AMBRA1: variants seen among roughly 807,000 people sequenced by gnomAD.
AMBRA1 encodes the protein autophagy and beclin 1 regulator 1, also known as activating molecule in BECN1-regulated autophagy protein 1.
A neutral mutation model predicts 125.4 loss-of-function variants in AMBRA1; 47 were observed. That is an observed-to-expected ratio of 0.37 (90% CI 0.30 to 0.48). AMBRA1 has a LOEUF of 0.48. AMBRA1 is among the 20% of genes least tolerant of loss of function. The probability of loss-of-function intolerance (pLI) is 0.99; values close to 1 mark genes in which losing one functional copy is unlikely to be tolerated. For synonymous variants in AMBRA1, 626 were observed against 655.5 expected, an observed-to-expected ratio of 0.95 and a Z score of 0.69; for missense variants, 1,331 against 1,693.4, an observed-to-expected ratio of 0.79 and a Z score of 3.76.
rs1364745772 is a variant in AMBRA1, at chr11:46,550,213, T to TA, written c.-120-1714_-120-1713insT. ...TTGTTTCCTCATAGTAGCATTTAGC[T>TA]TGCCTCTCTATACCTTTATTTCCTG... On this transcript the variant is annotated intron_variant, in intron 1 of 17. Transcript: ENST00000683756. Among the ~76,000 whole-genome samples, 8 of 152,354 alleles carry TA rather than the reference T, an allele frequency of 5.3e-5. No homozygotes were observed. The South Asian group carries it at 8.3e-4, about 16-fold the overall frequency.
intron 14 of AMBRA1, among the ~76,000 whole-genome samples, 190 bp from the exon 15 acceptor site, chr11:46,418,242 T>A (rs907441339): frequency 6.9e-6 from 1 of 144,554 alleles, no homozygotes; most frequent in Non-Finnish European, 1.5e-5. Context: ...TATAAATATA[T>A]ATAATATATA....
At chr11:46,579,480 G>C (rs2044097786) in intron 1 of AMBRA1, among the ~76,000 whole-genome samples, 1 of 152,050 alleles carries the variant, frequency 6.6e-6, no homozygotes, top group Non-Finnish European at 1.5e-5. Context: ...AATTAAGTAA[G>C]TAAGTACATA....
chr11:46,536,052 G>A (rs1952461020), intron 7 of AMBRA1, among the ~76,000 whole-genome samples: 1 of 152,154 alleles, frequency 6.6e-6, no homozygotes, highest in Non-Finnish European at 1.5e-5. Context: ...TGATTATTGA[G>A]CCAATGACTC....
intron 11 of AMBRA1, among the ~76,000 whole-genome samples, chr11:46,467,995 A>G (rs980134802): frequency 1.3e-5 from 2 of 152,202 alleles, no homozygotes; most frequent in African/African-American, 2.4e-5. Context: ...AATGGCCTCA[A>G]TCAGGGCTAG....
At chr11:46,430,157 CATACAGCT>C (rs1947382746) in intron 14 of AMBRA1, among the ~76,000 whole-genome samples, 2 of 152,174 alleles carry the variant, frequency 1.3e-5, no homozygotes, top group African/African-American at 4.8e-5. Flanking sequence ...GACTCCAGCA[CATACAGCT>C]ATTCAAGGGA....
chr11:46,578,577 T>G (rs1363561995), intron 1 of AMBRA1, among the ~76,000 whole-genome samples: 2 of 151,404 alleles, frequency 1.3e-5, no homozygotes, highest in African/African-American at 4.9e-5. Flanking sequence ...AGTATATAAA[T>G]CACAAACTAT....
At chr11:46,556,141 T>C (rs186528054) in intron 1 of AMBRA1, among the ~76,000 whole-genome samples, 2 of 152,368 alleles carry the variant, frequency 1.3e-5, no homozygotes, top group East Asian at 1.9e-4. Context: ...CCAGTACTCT[T>C]TGGAAACTCC....
At chr11:46,423,423 G>A (rs1489786299) in intron 14 of AMBRA1, among the ~76,000 whole-genome samples, 1 of 151,290 alleles carries the variant, frequency 6.6e-6, no homozygotes, top group Non-Finnish European at 1.5e-5. Context: ...ATGGAGTCTC[G>A]CTCTGTCACC....
intron 1 of AMBRA1, among the ~76,000 whole-genome samples, chr11:46,590,768 G>A (rs542578715): frequency 1.3e-5 from 2 of 151,932 alleles, no homozygotes; most frequent in African/African-American, 2.4e-5. Context: ...AAAATTAGCC[G>A]GGCATGGTGG....
intron 1 of AMBRA1, among the ~76,000 whole-genome samples, chr11:46,588,815 T>G (rs1446956616): frequency 6.6e-6 from 1 of 152,034 alleles, no homozygotes; most frequent in Non-Finnish European, 1.5e-5. Context: ...GATGTTTTAC[T>G]TTTCCATTCT....
At chr11:46,467,860 AGAT>A (rs1949394431) in intron 11 of AMBRA1, among the ~76,000 whole-genome samples, 1 of 152,136 alleles carries the variant, frequency 6.6e-6, no homozygotes, top group Non-Finnish European at 1.5e-5. Context: ...GAGAGAGTGG[AGAT>A]AAACACACAT....
rs139398638 is a variant in AMBRA1, at chr11:46,438,629, C to T, written c.2633-3592G>A. ...ATTTCAGAATAAGGCCTGTACAGAG[C>T]TCCAGATGACCCATAAACACTCCCT... On this transcript the variant is annotated intron_variant, in intron 12 of 17. Coordinates refer to ENST00000683756, the MANE Select transcript of AMBRA1 (RefSeq NM_001387011.1). Among the ~76,000 whole-genome samples the T allele has an allele frequency of 3.6e-3, 545 of 152,308 alleles. 1 individual carries two copies. The highest frequency in any genetic ancestry group is 0.013 in the African/African-American group (524 of 41,570).
At chr11:46,488,821 T>A (rs1260757904) in intron 11 of AMBRA1, among the ~76,000 whole-genome samples, 1 of 152,186 alleles carries the variant, frequency 6.6e-6, no homozygotes, top group East Asian at 1.9e-4. Context: ...ATTCAAAATA[T>A]GGGAAAATTC....
chr11:46,470,327 G>A (rs1415836949), intron 11 of AMBRA1, among the ~76,000 whole-genome samples: 4 of 152,064 alleles, frequency 2.6e-5, no homozygotes, highest in East Asian at 1.9e-4. Flanking sequence ...GGTGGCTCAC[G>A]CCTATAATCC....
intron 1 of AMBRA1, among the ~76,000 whole-genome samples, chr11:46,592,102 C>T (rs1273374497): frequency 6.6e-6 from 1 of 151,782 alleles, no homozygotes; most frequent in East Asian, 2.0e-4. Context: ...TGCGCCACCA[C>T]GCCCGGCTAA....
chr11:46,444,194 C>T (rs566404254), intron 11 of AMBRA1, among the ~76,000 whole-genome samples: 3 of 152,154 alleles, frequency 2.0e-5, no homozygotes, highest in Non-Finnish European at 4.4e-5. Flanking sequence ...ACCCCTGGCA[C>T]GTAACACAAT....
chr11:46,505,603 A>G (rs1951005210), intron 9 of AMBRA1, among the ~76,000 whole-genome samples: 1 of 151,886 alleles, frequency 6.6e-6, no homozygotes, highest in South Asian at 2.1e-4. Context: ...ACCCCCTGAG[A>G]AAAAACAGTA....
intron 1 of AMBRA1, 49 bp from the exon 2 acceptor site, chr11:46,548,549 C>CA: frequency 1.4e-6 from 1 of 716,414 alleles, no homozygotes; most frequent in Non-Finnish European, 2.2e-6. Context: ...CAACGAGAAG[C>CA]TTCTAATTGC....
intron 1 of AMBRA1, among the ~76,000 whole-genome samples, chr11:46,559,451 A>G (rs59488332): frequency 0.012 from 1,835 of 152,294 alleles, 45 homozygotes; most frequent in African/African-American, 0.042. Context: ...TACCTCAACT[A>G]TAAGTAGGGA....
Sources: allele counts gnomAD v4.1 joint callset (sites outside exome capture counted in the v4.1 genomes callset), GRCh38; gene constraint gnomAD v4.1.1; transcripts MANE v1.5; gene names NCBI Gene and HGNC (gene_info 2026-07-23, HGNC 2026-07-21).